The following SKIC3 variants were observed in gnomAD, a reference collection of about 807,000 sequenced individuals.
The protein encoded by SKIC3 is SKI3 subunit of superkiller complex.
the SKIC3 span, among the ~76,000 whole-genome samples, chr5:95,490,688 C>T: frequency 6.6e-6 from 1 of 151,692 alleles, no homozygotes; most frequent in Non-Finnish European, 1.5e-5. Context: ...TTAGTAGAGA[C>T]GGGGTTTCAC....
At chr5:95,478,490 G>A in the SKIC3 span, 1 of 1,610,014 alleles carries the variant, frequency 6.2e-7, no homozygotes, top group Non-Finnish European at 8.5e-7. Flanking sequence ...AGTTTATTAT[G>A]CAGTCTGTTA....
At chr5:95,482,634 A>G in the SKIC3 span, 6 of 1,613,776 alleles carry the variant, frequency 3.7e-6, no homozygotes, top group African/African-American at 8.0e-5. Flanking sequence ...TTTAAATTCT[A>G]GAAATCAAAT....
chr5:95,533,537 C>T, the SKIC3 span, among the ~76,000 whole-genome samples: 1 of 152,166 alleles, frequency 6.6e-6, no homozygotes, highest in African/African-American at 2.4e-5. Flanking sequence ...GTACCCAAAC[C>T]TGAATTTCTC....
the SKIC3 span, chr5:95,491,171 A>C: frequency 7.7e-7 from 1 of 1,293,216 alleles, no homozygotes; most frequent in Admixed American, 2.3e-5. Flanking sequence ...TCTCAAAGGA[A>C]AATTAAATTG....
the SKIC3 span, among the ~76,000 whole-genome samples, chr5:95,483,833 A>T: frequency 6.6e-6 from 1 of 152,198 alleles, no homozygotes; most frequent in Non-Finnish European, 1.5e-5. Flanking sequence ...GCCTGCAAGC[A>T]TAGAGCCCTC....
At chr5:95,547,042 A>AG in the SKIC3 span, 1 of 1,604,872 alleles carries the variant, frequency 6.2e-7, no homozygotes, top group Non-Finnish European at 8.5e-7. Context: ...TCATTGTGGA[A>AG]GAAAAAAATA....
the SKIC3 span, among the ~76,000 whole-genome samples, chr5:95,498,868 G>A: frequency 5.2e-3 from 796 of 152,184 alleles, 8 homozygotes; most frequent in African/African-American, 0.018. Context: ...CTCGTGATCC[G>A]CCCATCTCGG....
At chr5:95,488,089 A>G in the SKIC3 span, among the ~76,000 whole-genome samples, 4 of 152,108 alleles carry the variant, frequency 2.6e-5, no homozygotes, top group African/African-American at 9.7e-5. Flanking sequence ...CAAGCAGAAG[A>G]GCCTCAGAAC....
chr5:95,489,511 G>T, the SKIC3 span, among the ~76,000 whole-genome samples: 1 of 143,448 alleles, frequency 7.0e-6, no homozygotes, highest in South Asian at 2.2e-4. Context: ...GTAAAAAAGG[G>T]CAACCAGTTA....
chr5:95,548,474 C>CTATTCCTATTCCT, the SKIC3 span: 1 of 151,942 alleles, frequency 6.6e-6, no homozygotes, highest in African/African-American at 2.4e-5. Flanking sequence ...CCTAAATAGG[C>CTATTCCTATTCCT]AGATAAGTAA....
the SKIC3 span, chr5:95,529,952 C>T: frequency 1.0e-6 from 1 of 986,304 alleles, no homozygotes; most frequent in Non-Finnish European, 1.5e-6. Flanking sequence ...CAAACCTAAG[C>T]AGAGTCCAAG....
chr5:95,535,944 A>AT, the SKIC3 span, among the ~76,000 whole-genome samples: 1 of 152,198 alleles, frequency 6.6e-6, no homozygotes, highest in African/African-American at 2.4e-5. Context: ...ACTTCTGTGA[A>AT]TTTGTTCACC....
At chr5:95,504,670 A>C in the SKIC3 span, among the ~76,000 whole-genome samples, 1 of 152,050 alleles carries the variant, frequency 6.6e-6, no homozygotes, top group Non-Finnish European at 1.5e-5. Context: ...CAGATACACT[A>C]AAATTCCACA....
chr5:95,529,564 C>T, the SKIC3 span, among the ~76,000 whole-genome samples: 1 of 152,154 alleles, frequency 6.6e-6, no homozygotes, highest in Non-Finnish European at 1.5e-5. Context: ...GTTCTCTGAA[C>T]AACAGTTTTC....
At chr5:95,484,747 C>T in the SKIC3 span, 1 of 1,614,174 alleles carries the variant, frequency 6.2e-7, no homozygotes, top group Admixed American at 1.7e-5. Flanking sequence ...GTTTCAGCTT[C>T]AGATATTCTT....
At chr5:95,529,312 C>T in the SKIC3 span, 2 of 608,050 alleles carry the variant, frequency 3.3e-6, no homozygotes, top group African/African-American at 3.7e-5. Context: ...CCATCTTTAT[C>T]CCAAATCACT....
chr5:95,479,675 T>TTG, the SKIC3 span, among the ~76,000 whole-genome samples: 5,257 of 144,034 alleles, frequency 0.036, 123 homozygotes, highest in South Asian at 0.085. Context: ...GGAAAAAACA[T>TTG]TGTGTGTGTG....
the SKIC3 span, among the ~76,000 whole-genome samples, chr5:95,484,316 G>A: frequency 6.8e-6 from 1 of 147,412 alleles, no homozygotes; most frequent in South Asian, 2.2e-4. Flanking sequence ...ACCACTACCT[G>A]CTCTTTAAAC....
chr5:95,491,025 T>G, the SKIC3 span: 1 of 1,613,786 alleles, frequency 6.2e-7, no homozygotes, highest in South Asian at 1.1e-5. Context: ...CCAGCCCAGA[T>G]AGCAGGATCA....
Sources: gnomAD v4.1 joint callset for allele counts (sites outside exome capture counted in the v4.1 genomes callset) on GRCh38, gnomAD v4.1.1 for gene constraint, MANE v1.5 for transcripts, NCBI Gene and HGNC (gene_info 2026-07-23, HGNC 2026-07-21) for gene names.